SLC13A5: variants seen among roughly 807,000 people sequenced by gnomAD.
The protein encoded by SLC13A5 is Na(+)/citrate cotransporter.
Under a neutral mutation model 56.5 loss-of-function variants are expected in SLC13A5, and 25 were observed. That is an observed-to-expected ratio of 0.44 (90% CI 0.32 to 0.62). The LOEUF (loss-of-function observed/expected upper bound fraction) is 0.62, where lower values mean the gene tolerates loss of function less well. Among genes scored for constraint, SLC13A5 ranks in the 20% least tolerant of loss-of-function variants. The pLI is 0.04. For missense variants in SLC13A5, 649 were observed against 737.8 expected (o/e 0.88, Z 1.39); for synonymous variants, 307 against 301.5 (o/e 1.02, Z -0.19).
chr17:6,694,215 C>T lies in SLC13A5; in HGVS notation c.1056-18G>A. 4 of 1,485,252 alleles carry T rather than the reference C, an allele frequency of 2.7e-6. No homozygotes were observed. The highest frequency in any genetic ancestry group is 1.9e-6 in the Non-Finnish European group (2 of 1,064,272). The allele number at this position is 1,485,252 out of a possible 1,614,324, so 92.0% of individuals were successfully genotyped here. ...AGACATACCTAGGTGGGGAAAAGCA[C>T]AGCTCATCTGCGACAGAGACAGTCA... On this transcript the variant is annotated intron_variant, in intron 7 of 11. Coordinates refer to ENST00000433363, the MANE Select transcript of SLC13A5 (RefSeq NM_177550.5).
chr17:6,697,769 C>G (rs1349724995), intron 6 of SLC13A5, among the ~76,000 whole-genome samples: 2 of 152,120 alleles, frequency 1.3e-5, no homozygotes, highest in East Asian at 3.9e-4. Context: ...GTAATAATAT[C>G]CCATGTAGTT....
At position 6,711,556 on chromosome 17, in the gene SLC13A5, G is replaced by T. The variant is rs372800824; in HGVS notation, c.102+1676C>A. Among the ~76,000 whole-genome samples, 40 of 151,458 alleles carry T rather than the reference G, an allele frequency of 2.6e-4. 1 individual carries two copies. The highest frequency in any genetic ancestry group is 7.8e-4 in the African/African-American group (32 of 41,248). ...TTTTGTGTGTTTTGTGTGTGTGTTTGTGTGTGTGTTTGTGTGTCTGTGTTT... is the reference window on the plus strand; with the variant it reads ...TTTTGTGTGTTTTGTGTGTGTGTTTTTGTGTGTGTTTGTGTGTCTGTGTTT... On this transcript the variant is annotated intron_variant, in intron 1 of 11. Transcript: ENST00000433363. The surrounding 1 kb of genome is among the most constrained non-coding windows in gnomAD (Gnocchi z 4.0).
At chr17:6,702,133 T>A (rs1973731031) in intron 5 of SLC13A5, among the ~76,000 whole-genome samples, 1 of 152,114 alleles carries the variant, frequency 6.6e-6, no homozygotes, top group South Asian at 2.1e-4. Flanking sequence ...CCTTTCCACC[T>A]CCCAGCTCCT....
chr17:6,711,635 C>T lies in SLC13A5; in HGVS notation c.102+1597G>A, dbSNP rs975778340. Among the ~76,000 whole-genome samples the T allele has an allele frequency of 1.1e-4, 16 of 144,962 alleles. No homozygotes were observed. In the South Asian group the frequency reaches 1.6e-3, roughly 14 times the overall value. Reference sequence around the variant, plus strand: ...GTTTTTGTGTGTGTTTGTGTTTGTGCGTGTGTTTTGTGTGTGTCTGTGTGT... The same window carrying T: ...GTTTTTGTGTGTGTTTGTGTTTGTGTGTGTGTTTTGTGTGTGTCTGTGTGT... On this transcript the variant is annotated intron_variant, in intron 1 of 11. Transcript: ENST00000433363. This position sits in a 1 kb window ranked among gnomAD's most constrained non-coding sequence, Gnocchi z 4.0.
rs200900896 is a variant in SLC13A5, at chr17:6,693,178, AACACACAC to A, written c.1157-24_1157-17del. ...GTTTTCCTTTCTGGGAAGAAAAAGA[AACACACAC>A]ACACACACACACACACACACACACA... On this transcript the variant is annotated splice_polypyrimidine_tract_variant and intron_variant, in intron 8 of 11. Coordinates refer to ENST00000433363, the MANE Select transcript of SLC13A5 (RefSeq NM_177550.5). 38,109 of 696,394 alleles carry A rather than the reference AACACACAC, an allele frequency of 0.055. 744 individuals carry two copies. The highest frequency in any genetic ancestry group is 0.073 in the African/African-American group (3,565 of 48,934). The allele number at this position is 696,394 out of a possible 1,614,324, so 43.1% of individuals were successfully genotyped here.
chr17:6,707,343 C>A (rs551075300), intron 1 of SLC13A5, among the ~76,000 whole-genome samples, 187 bp from the exon 2 acceptor site: 1 of 152,288 alleles, frequency 6.6e-6, no homozygotes, highest in African/African-American at 2.4e-5. Flanking sequence ...GGGATCTATT[C>A]GCAAAGGACT....
At chr17:6,699,161 A>G (rs941122384) in intron 6 of SLC13A5, among the ~76,000 whole-genome samples, 1 of 152,168 alleles carries the variant, frequency 6.6e-6, no homozygotes, top group East Asian at 1.9e-4. Flanking sequence ...TGAGCACTCA[A>G]TAAATGTTGG....
intron 6 of SLC13A5, among the ~76,000 whole-genome samples, chr17:6,696,408 G>A (rs571099334): frequency 3.3e-5 from 5 of 152,192 alleles, no homozygotes; most frequent in Admixed American, 1.3e-4. Flanking sequence ...CTAGTCAGGG[G>A]CAGAATGGGT....
Position 6,690,925 on chromosome 17 carries a change from C to T in SLC13A5, c.1291G>A (p.Val431Met), listed in dbSNP as rs201036096. Residue 431 changes from valine to methionine, a missense_variant, in exon 10 of 12, where the codon GTG (valine) becomes ATG (methionine). Physicochemically the swap from Val to Met is conservative, Grantham distance 21. Coordinates refer to ENST00000433363, the MANE Select transcript of SLC13A5 (RefSeq NM_177550.5). Reference sequence around the variant, plus strand: ...GGCTCCATCTGCTTCCCCATCCACACGGACAGCCCCGAGGCCTGGGAAGCA... The same window carrying T: ...GGCTCCATCTGCTTCCCCATCCACATGGACAGCCCCGAGGCCTGGGAAGCA... The part of the protein sequence containing the change: ...AKGSEASGLS[V>M]WMGKQMEPLH... The T allele has an allele frequency of 6.0e-5, 96 of 1,609,696 alleles. 1 individual carries two copies. In the East Asian group the frequency reaches 1.5e-3, roughly 26 times the overall value.
intron 1 of SLC13A5, among the ~76,000 whole-genome samples, chr17:6,708,993 C>CTTTTTTT (rs575087645): frequency 0.081 from 10,731 of 132,496 alleles, 541 homozygotes; most frequent in East Asian, 0.2. Context: ...TCTTTTATTT[C>CTTTTTTT]TTTTTTTTTT....
At chr17:6,696,073 C>G (rs1220460181) in intron 6 of SLC13A5, 132 bp from the exon 7 acceptor site, 13 of 760,998 alleles carry the variant, frequency 1.7e-5, no homozygotes, top group Non-Finnish European at 2.8e-5. Context: ...GCTATGGGGC[C>G]TGGAGAAAGG....
chr17:6,692,294 T>C lies in SLC13A5; in HGVS notation c.1275+750A>G, dbSNP rs9635709. On this transcript the variant is annotated intron_variant, in intron 9 of 11. Transcript: ENST00000433363. This position sits in a 1 kb window ranked among gnomAD's most constrained non-coding sequence, Gnocchi z 5.5. ...ATGGATGGACGGATGGACGGACGGA[T>C]GGATGGATGAAGACATGAATAGATG... Among the ~76,000 whole-genome samples, 38,043 of 149,996 alleles carry C rather than the reference T, an allele frequency of 0.25. 5,514 individuals carry two copies. The highest frequency in any genetic ancestry group is 0.63 in the East Asian group (3,264 of 5,142).
At chr17:6,706,410 C>A (rs1354358643) in intron 3 of SLC13A5, among the ~76,000 whole-genome samples, 2 of 152,204 alleles carry the variant, frequency 1.3e-5, no homozygotes, top group African/African-American at 4.8e-5. Context: ...CTCTTGCTGA[C>A]CCACCTCCTC....
chr17:6,687,785 G>A lies in SLC13A5; in HGVS notation c.1438-119C>T, dbSNP rs563326986. 20 of 1,272,424 alleles carry A rather than the reference G, an allele frequency of 1.6e-5. No homozygotes were observed. The South Asian group carries it at 3.8e-4, about 24-fold the overall frequency. The allele number at this position is 1,272,424 out of a possible 1,614,324, so 78.8% of individuals were successfully genotyped here. A position where few individuals can be genotyped will look rare whatever the true frequency, so the allele number is the denominator to read the frequency against. On this transcript the variant is annotated intron_variant, in intron 10 of 11. Transcript: ENST00000433363. The surrounding 1 kb of genome is among the most constrained non-coding windows in gnomAD (Gnocchi z 5.0). ...GTTTGAACCTCTGTGCCTCAGTCTT[G>A]GTTCCTCTCCCTTTTGCCACGTCTC...
chr17:6,704,318 C>A, intron 3 of SLC13A5: 1 of 617,824 alleles, frequency 1.6e-6, no homozygotes, highest in Non-Finnish European at 3.0e-6. Context: ...TCTGGGGTTA[C>A]CAAGAGGCCT....
chr17:6,707,192 G>T (rs1303413319), intron 1 of SLC13A5, 36 bp from the exon 2 acceptor site: 1 of 1,609,268 alleles, frequency 6.2e-7, no homozygotes, highest in Non-Finnish European at 8.5e-7. Flanking sequence ...GCGTGTTGCC[G>T]CCTCCCTCTC....
chr17:6,690,383 C>T (rs1401189516), intron 10 of SLC13A5, among the ~76,000 whole-genome samples: 1 of 152,176 alleles, frequency 6.6e-6, no homozygotes, highest in Admixed American at 6.5e-5. Context: ...AAGGCCTCTT[C>T]CTGGGGTTTC....
chr17:6,703,898 C>A lies in SLC13A5; in HGVS notation c.527G>T (p.Gly176Val), dbSNP rs1363226921. Residue 176 changes from glycine to valine, a missense_variant, in exon 4 of 12, where the codon GGC (glycine) becomes GTC (valine). Coordinates refer to ENST00000433363, the MANE Select transcript of SLC13A5 (RefSeq NM_177550.5). The stretch of plus-strand genomic sequence containing the variant: ...CTCACCTGGCAGCTCCTTGGCCTTG[C>A]CCTTGTCCACCAGCTCCAGGCCGGC... The part of the protein sequence containing the change: ...TEAGLELVDK[G>V]KAKELPGSQV... 1.3e-6 allele frequency: 2 copies of A among 1,567,528 alleles called. No individual in the cohort carries two copies. Among genetic ancestry groups the A allele is most frequent in the Non-Finnish European group, 1.7e-6 (2 of 1,155,004 alleles).
At chr17:6,699,045 AAATAAAT>A (rs1973635206) in intron 6 of SLC13A5, among the ~76,000 whole-genome samples, 1 of 67,234 alleles carries the variant, frequency 1.5e-5, no homozygotes, top group Admixed American at 1.8e-4. Context: ...ACTGTCTCAA[AAATAAAT>A]AAATAAATAA....
Sources: allele counts gnomAD v4.1 joint callset (sites outside exome capture counted in the v4.1 genomes callset), GRCh38; gene constraint gnomAD v4.1.1; non-coding constraint Gnocchi (gnomAD v3.1); transcripts MANE v1.5; gene names NCBI Gene and HGNC (gene_info 2026-07-23, HGNC 2026-07-21).